Variants in CACNG6 observed in about 807,000 individuals in gnomAD.
CACNG6 encodes calcium voltage-gated channel auxiliary subunit gamma 6.
CACNG6 carries 21 observed loss-of-function variants against 23.9 expected under a neutral mutation model. That is an observed-to-expected ratio of 0.88 (90% CI 0.62 to 1.26). The LOEUF is 1.26. CACNG6 is among the 50% of genes most tolerant of loss of function. The pLI is 0.00. For missense variants in CACNG6, 340 were observed against 352.9 expected, an observed-to-expected ratio of 0.96 and a Z score of 0.29; for synonymous variants, 182 against 168.9, an observed-to-expected ratio of 1.08 and a Z score of -0.60.
intron 1 of CACNG6, among the ~76,000 whole-genome samples, chr19:53,995,903 CTGCCCGCCTCGGCCTCCCAAAG>C (rs2145954212): frequency 6.6e-6 from 1 of 152,346 alleles, no homozygotes; most frequent in East Asian, 1.9e-4. Flanking sequence ...CTCAGGTGAT[CTGCCCGCCTCGGCCTCCCAAAG>C]TGCTGGGATG....
In CACNG6 at chr19:54,012,397, G is replaced by T. The variant is rs538000190; in HGVS notation, c.*208G>T. The T allele has an allele frequency of 1.4e-3, 548 of 392,638 alleles. 2 individuals carry two copies. The highest frequency in any genetic ancestry group is 3.2e-3 in the South Asian group (25 of 7,704). The allele number at this position is 392,638 out of a possible 1,614,324, so 24.3% of individuals were successfully genotyped here. On this transcript the variant is annotated 3_prime_UTR_variant, in exon 4 of 4. Coordinates refer to ENST00000252729, the MANE Select transcript of CACNG6 (RefSeq NM_145814.2). ...TGTGGCTGTATGTGGGTTGCTTGGG[G>T]GTGGGATGGGAAGAGGCTCTTTGCA...
chr19:53,993,167 C>A lies in CACNG6; in HGVS notation c.290C>A (p.Pro97His). 1 of 1,544,194 alleles carries A rather than the reference C, an allele frequency of 6.5e-7. No homozygotes were observed. The change falls in exon 1 of 4, where the codon CCC becomes CAC. Residue 97 changes from proline (P) to histidine (H), a missense_variant. Transcript: ENST00000252729. ...CTKRLWQADV[P>H]VDRDTCGPAE... ...AAGCGGCTGTGGCAGGCGGACGTGCCCGTGGACAGGGACACCTGCGGCCCC... is the reference window on the plus strand; with the variant it reads ...AAGCGGCTGTGGCAGGCGGACGTGCACGTGGACAGGGACACCTGCGGCCCC...
At chr19:54,008,084 C>T (rs111926236) in intron 3 of CACNG6, among the ~76,000 whole-genome samples, 2 of 152,178 alleles carry the variant, frequency 1.3e-5, no homozygotes, top group African/African-American at 4.8e-5. Context: ...AATGGCTGGG[C>T]ACGGTGGCTC....
intron 3 of CACNG6, among the ~76,000 whole-genome samples, chr19:54,004,489 A>G (rs1164440822): frequency 6.6e-6 from 1 of 151,806 alleles, no homozygotes; most frequent in Non-Finnish European, 1.5e-5. Flanking sequence ...AAGTGTTGGG[A>G]TTACAGGTGT....
intron 3 of CACNG6, among the ~76,000 whole-genome samples, chr19:54,002,808 C>A (rs1015408238): frequency 1.3e-5 from 2 of 152,092 alleles, no homozygotes; most frequent in African/African-American, 4.8e-5. Flanking sequence ...GGTTAGATTG[C>A]GTGTCAGGGA....
chr19:53,998,703 G>T (rs903041735), intron 2 of CACNG6, among the ~76,000 whole-genome samples: 4 of 151,932 alleles, frequency 2.6e-5, no homozygotes, highest in African/African-American at 9.7e-5. Flanking sequence ...GTAGAGATGG[G>T]GTTTCACCAT....
chr19:54,006,032 G>C (rs1193851020), intron 3 of CACNG6, among the ~76,000 whole-genome samples: 1 of 151,294 alleles, frequency 6.6e-6, no homozygotes, highest in Non-Finnish European at 1.5e-5. Context: ...GGAGGTAGAA[G>C]TGAGCTGAGA....
Position 53,992,310 on chromosome 19 carries a change from C to G in CACNG6, c.-568C>G, listed in dbSNP as rs2069469065. On this transcript the variant is annotated 5_prime_UTR_variant, in exon 1 of 4. Coordinates refer to ENST00000252729, the MANE Select transcript of CACNG6 (RefSeq NM_145814.2). The surrounding 1 kb of genome is among the most constrained non-coding windows in gnomAD (Gnocchi z 4.1). ...TCCCCAAGTCCTCTGTTCTCAAACT[C>G]TGAGCCCAAGGGAACCCCGGCCACA... 1 of 152,342 alleles carries G rather than the reference C, an allele frequency of 6.6e-6. No homozygotes were observed. The highest frequency in any genetic ancestry group is 2.4e-5 in the African/African-American group (1 of 41,460). The allele number at this position is 152,342 out of a possible 1,614,324, so 9.4% of individuals were successfully genotyped here.
intron 3 of CACNG6, among the ~76,000 whole-genome samples, chr19:54,005,751 TTAAAATAAAATAAAATAAAATAAAA>T (rs79507810): frequency 7.1e-6 from 1 of 141,128 alleles, no homozygotes; most frequent in Non-Finnish European, 1.5e-5. Context: ...AGACTCCCTC[TTAAAATAAAATAAAATAAAATAAAA>T]TAAAATAAAA....
chr19:54,008,639 T>G (rs1448594100), intron 3 of CACNG6, among the ~76,000 whole-genome samples: 1 of 152,228 alleles, frequency 6.6e-6, no homozygotes, highest in East Asian at 1.9e-4. Flanking sequence ...TGCTGCGTCC[T>G]ACACAGGACC....
In CACNG6 at chr19:54,004,335, T is replaced by TG. The variant is rs1411422394; in HGVS notation, c.544+4564_544+4565insG. Among the ~76,000 whole-genome samples, 529 of 107,316 alleles carry TG rather than the reference T, an allele frequency of 4.9e-3. 13 individuals are homozygous for TG. Among genetic ancestry groups the TG allele is most frequent in the African/African-American group, 0.019 (487 of 25,274 alleles). 70.4% of individuals were successfully genotyped at this position (107,316 alleles called of 152,430 possible). The stretch of plus-strand genomic sequence containing the variant: ...ACCACGCCTGGTTAATTTTGTATTT[T>TG]TGTGTGTGTGTGTGTGTGTGTGTGT... On this transcript the variant is annotated intron_variant, in intron 3 of 3. Transcript: ENST00000252729.
chr19:53,998,182 A>G lies in CACNG6; in HGVS notation c.332-57A>G, dbSNP rs373188238. On this transcript the variant is annotated intron_variant, in intron 1 of 3. Transcript: ENST00000252729. ...GTGGGCTGTTAACTGTCCAGCCCTG[A>G]GCTTACGCAAGGGACCTCACATCCT... The G allele has an allele frequency of 2.1e-5, 31 of 1,484,694 alleles. No individual in the cohort carries two copies. The African/African-American group carries it at 3.6e-4, about 17-fold the overall frequency. The allele number at this position is 1,484,694 out of a possible 1,614,324, so 92.0% of individuals were successfully genotyped here. A position where few individuals can be genotyped will look rare whatever the true frequency, so the allele number is the denominator to read the frequency against.
At position 53,991,877 on chromosome 19, in the gene CACNG6, G is replaced by A. The variant is rs2069464269; in HGVS notation, c.-1001G>A. Among the ~76,000 whole-genome samples, 2 of 152,176 alleles carry A rather than the reference G, an allele frequency of 1.3e-5. No individual in the cohort carries two copies. Among genetic ancestry groups the A allele is most frequent in the African/African-American group, 2.4e-5 (1 of 41,438 alleles). On this transcript the variant is annotated 5_prime_UTR_variant, in exon 1 of 4. Coordinates refer to ENST00000252729, the MANE Select transcript of CACNG6 (RefSeq NM_145814.2). ...GGCGCAGCGTCTCTTGCGGGTCGCG[G>A]TTGGCCTTTGAACCCTGGGGGGACT...
chr19:54,011,225 T>TACACACACACACACACACAC (rs1325176394), intron 3 of CACNG6, among the ~76,000 whole-genome samples: 12 of 110,346 alleles, frequency 1.1e-4, no homozygotes, highest in African/African-American at 4.6e-4. Context: ...TATATATATA[T>TACACACACACACACACACAC]ATACACACAC....
chr19:54,009,281 C>T (rs559598149), intron 3 of CACNG6, among the ~76,000 whole-genome samples: 71 of 152,100 alleles, frequency 4.7e-4, no homozygotes, highest in Non-Finnish European at 7.8e-4. Context: ...ATTAGCCAGG[C>T]GTGGTGGCGT....
chr19:54,010,036 C>CTTT (rs199976621), intron 3 of CACNG6, among the ~76,000 whole-genome samples: 1,776 of 97,724 alleles, frequency 0.018, 104 homozygotes, highest in African/African-American at 0.059. Flanking sequence ...TATTTCTTTT[C>CTTT]TTTCTTTTTT....
At chr19:54,011,227 T>TATATATATACACACACACACACAC (rs1442985544) in intron 3 of CACNG6, among the ~76,000 whole-genome samples, 16 of 95,266 alleles carry the variant, frequency 1.7e-4, no homozygotes, top group African/African-American at 9.3e-4. Flanking sequence ...TATATATATA[T>TATATATATACACACACACACACAC]ACACACACAC....
chr19:53,996,403 T>C (rs987927873), intron 1 of CACNG6, among the ~76,000 whole-genome samples: 11 of 151,862 alleles, frequency 7.2e-5, no homozygotes, highest in African/African-American at 2.7e-4. Flanking sequence ...CTCTCTCTTT[T>C]TTTTTTTGAG....
At chr19:54,008,007 A>G (rs1346564371) in intron 3 of CACNG6, among the ~76,000 whole-genome samples, 1 of 152,256 alleles carries the variant, frequency 6.6e-6, no homozygotes, top group East Asian at 1.9e-4. Flanking sequence ...TGCATGGAGC[A>G]AAGAAGGGGC....
Sources: gnomAD v4.1 joint callset for allele counts (sites outside exome capture counted in the v4.1 genomes callset) on GRCh38, gnomAD v4.1.1 for gene constraint, Gnocchi (gnomAD v3.1) non-coding constraint, MANE v1.5 for transcripts, NCBI Gene and HGNC (gene_info 2026-07-23, HGNC 2026-07-21) for gene names.